Variants in DAB1 observed in about 807,000 individuals in gnomAD.
The protein encoded by DAB1 is DAB adaptor protein 1.
A neutral mutation model predicts 64.6 loss-of-function variants in DAB1; 15 were observed. The ratio of observed to expected loss-of-function variants is 0.23; its 90% CI spans 0.16 to 0.36. The LOEUF (loss-of-function observed/expected upper bound fraction) is 0.36, where lower values mean the gene tolerates loss of function less well. DAB1 is among the 10% of genes least tolerant of loss of function. The probability of loss-of-function intolerance (pLI) is 1.00; values close to 1 mark genes in which losing one functional copy is unlikely to be tolerated. For missense variants in DAB1, 596 were observed against 706.7 expected, an observed-to-expected ratio of 0.84 and a Z score of 1.78; for synonymous variants, 235 against 251.9, an observed-to-expected ratio of 0.93 and a Z score of 0.64.
intron 7 of DAB1, among the ~76,000 whole-genome samples, chr1:57,453,337 A>C (rs1333193211): frequency 2.0e-5 from 3 of 152,220 alleles, no homozygotes; most frequent in African/African-American, 7.2e-5. Flanking sequence ...AACCTGCTGA[A>C]GTGCTTTTAA....
chr1:57,564,940 C>T (rs1340450632), intron 7 of DAB1, among the ~76,000 whole-genome samples: 1 of 152,074 alleles, frequency 6.6e-6, no homozygotes, highest in African/African-American at 2.4e-5. Context: ...AAAGATACTC[C>T]TCGAGAAGAG....
At chr1:57,049,120 G>T (rs1648886703) in intron 9 of DAB1, among the ~76,000 whole-genome samples, 1 of 152,076 alleles carries the variant, frequency 6.6e-6, no homozygotes, top group South Asian at 2.1e-4. Context: ...GAAGATGAAA[G>T]GAATTAATGC....
chr1:57,322,193 C>T (rs955527659), intron 1 of DAB1, among the ~76,000 whole-genome samples: 4 of 152,176 alleles, frequency 2.6e-5, no homozygotes, highest in East Asian at 1.9e-4. Context: ...CCTCCCATGA[C>T]GTGATATCTA....
intron 7 of DAB1, among the ~76,000 whole-genome samples, chr1:57,572,317 G>A (rs1645202291): frequency 6.6e-6 from 1 of 152,116 alleles, no homozygotes; most frequent in Non-Finnish European, 1.5e-5. Flanking sequence ...ATGGGCTTTT[G>A]TTTCCTCATC....
chr1:58,487,228 C>G (rs1287435232), intron 3 of DAB1, among the ~76,000 whole-genome samples: 1 of 152,120 alleles, frequency 6.6e-6, no homozygotes, highest in Non-Finnish European at 1.5e-5. Context: ...TTAAAGCAGT[C>G]AAGATTTTTT....
intron 5 of DAB1, among the ~76,000 whole-genome samples, chr1:58,147,724 A>G (rs925019818): frequency 6.6e-6 from 1 of 152,170 alleles, no homozygotes; most frequent in Admixed American, 6.5e-5. Flanking sequence ...ACATACCCAA[A>G]GCAAATAACT....
intron 11 of DAB1, among the ~76,000 whole-genome samples, chr1:57,018,870 C>T (rs1000746128): frequency 6.6e-6 from 1 of 152,200 alleles, no homozygotes; most frequent in Non-Finnish European, 1.5e-5. Flanking sequence ...ACCTTGCCCT[C>T]CAGCATTTGC....
At chr1:57,687,739 AAC>A (rs1413036329) in intron 6 of DAB1, among the ~76,000 whole-genome samples, 1 of 152,124 alleles carries the variant, frequency 6.6e-6, no homozygotes, top group African/African-American at 2.4e-5. Context: ...AATGGAATAG[AAC>A]AGAGAACCCA....
chr1:57,089,004 C>T (rs1179262673), intron 4 of DAB1, among the ~76,000 whole-genome samples: 1 of 152,220 alleles, frequency 6.6e-6, no homozygotes, highest in East Asian at 1.9e-4. Context: ...AGGTCAAACG[C>T]TGGCCTTTCA....
intron 7 of DAB1, among the ~76,000 whole-genome samples, chr1:57,506,532 C>A (rs1299660888): frequency 6.6e-6 from 1 of 152,158 alleles, no homozygotes; most frequent in Non-Finnish European, 1.5e-5. Flanking sequence ...TGTGCCTATG[C>A]AGGGAGAAAG....
chr1:58,312,672 G>A (rs1662457199), intron 4 of DAB1, among the ~76,000 whole-genome samples: 1 of 152,190 alleles, frequency 6.6e-6, no homozygotes, highest in African/African-American at 2.4e-5. Context: ...GAGCCAGGAA[G>A]GGACAAGCTC....
chr1:58,048,014 G>A, intron 5 of DAB1: 1 of 627,362 alleles, frequency 1.6e-6, no homozygotes, highest in South Asian at 1.7e-5. Context: ...TAGTCCTCAA[G>A]TTTTTTGCCC....
intron 2 of DAB1, among the ~76,000 whole-genome samples, chr1:57,208,311 T>C (rs1342265823): frequency 6.6e-6 from 1 of 152,260 alleles, no homozygotes. Context: ...AGATCAGCAG[T>C]GGCCTTCCTC....
At chr1:58,526,264 C>T (rs1646348405) in intron 2 of DAB1, among the ~76,000 whole-genome samples, 2 of 152,014 alleles carry the variant, frequency 1.3e-5, no homozygotes, top group Non-Finnish European at 2.9e-5. Flanking sequence ...ATTTATTTAA[C>T]ATTCAAAGAA....
chr1:58,487,479 A>C (rs921834990), intron 3 of DAB1, among the ~76,000 whole-genome samples: 5 of 152,202 alleles, frequency 3.3e-5, no homozygotes, highest in Admixed American at 3.3e-4. Flanking sequence ...ATGCTTGTAA[A>C]ATGAATCAGA....
intron 1 of DAB1, among the ~76,000 whole-genome samples, chr1:57,353,464 G>T (rs1188981595): frequency 6.6e-6 from 1 of 152,120 alleles, no homozygotes; most frequent in East Asian, 1.9e-4. Flanking sequence ...CAAGTACAGA[G>T]CTTCCAATAG....
intron 3 of DAB1, among the ~76,000 whole-genome samples, chr1:58,503,257 C>T (rs139246538): frequency 3.5e-4 from 53 of 152,222 alleles, no homozygotes; most frequent in African/African-American, 1.2e-3. Flanking sequence ...CCCAGGCCTC[C>T]CAGGGTGCGA....
chr1:58,288,990 G>A (rs1489444028), intron 4 of DAB1, among the ~76,000 whole-genome samples: 2 of 152,138 alleles, frequency 1.3e-5, no homozygotes. Flanking sequence ...ACACCACCCA[G>A]TAACTAATTT....
intron 3 of DAB1, among the ~76,000 whole-genome samples, chr1:58,371,526 G>A (rs1287429092): frequency 6.6e-6 from 1 of 152,196 alleles, no homozygotes; most frequent in Non-Finnish European, 1.5e-5. Flanking sequence ...TTTCTGGGGA[G>A]AAATTCAAGC....
Sources: gnomAD v4.1 joint callset for allele counts (sites outside exome capture counted in the v4.1 genomes callset) on GRCh38, gnomAD v4.1.1 for gene constraint, MANE v1.5 for transcripts, NCBI Gene and HGNC (gene_info 2026-07-23, HGNC 2026-07-21) for gene names.